Variants in MYO9A observed in about 807,000 individuals in gnomAD.
The protein encoded by MYO9A is unconventional myosin-IXa.
A neutral mutation model predicts 293.3 loss-of-function variants in MYO9A; 103 were observed. The observed-to-expected ratio is 0.35, with a 90% CI of 0.30 to 0.41. The LOEUF (loss-of-function observed/expected upper bound fraction) is 0.41, where lower values mean the gene tolerates loss of function less well. Among genes scored for constraint, MYO9A ranks in the 10% least tolerant of loss-of-function variants. MYO9A has a pLI of 1.00. For missense variants in MYO9A, 2,685 were observed against 3,033.0 expected (o/e 0.89, Z 2.69); for synonymous variants, 1,001 against 1,035.7 (o/e 0.97, Z 0.64).
At chr15:71,870,765 T>C (rs531187638) in intron 32 of MYO9A, among the ~76,000 whole-genome samples, 49 of 152,354 alleles carry the variant, frequency 3.2e-4, no homozygotes, top group African/African-American at 1.2e-3. Context: ...ACAATGCCTA[T>C]ACATCACTTC....
chr15:71,982,299 C>T (rs1342584593), intron 11 of MYO9A, among the ~76,000 whole-genome samples: 1 of 151,928 alleles, frequency 6.6e-6, no homozygotes, highest in African/African-American at 2.4e-5. Context: ...GGATTACAGG[C>T]GTGAGCCACC....
At chr15:71,877,324 G>A (rs1482863150) in intron 31 of MYO9A, among the ~76,000 whole-genome samples, 1 of 152,112 alleles carries the variant, frequency 6.6e-6, no homozygotes, top group Non-Finnish European at 1.5e-5. Flanking sequence ...TTATTATACA[G>A]ACTTCCCAAA....
At chr15:71,850,641 C>G (rs2055594484) in intron 37 of MYO9A, among the ~76,000 whole-genome samples, 1 of 151,586 alleles carries the variant, frequency 6.6e-6, no homozygotes. Flanking sequence ...TGGCGCACAC[C>G]TGTAATCCCA....
chr15:72,048,306 G>C (rs771399345), intron 1 of MYO9A, among the ~76,000 whole-genome samples: 1 of 151,800 alleles, frequency 6.6e-6, no homozygotes, highest in Non-Finnish European at 1.5e-5. Flanking sequence ...GCCTGAGGCA[G>C]GAGAATCACT....
chr15:72,064,538 C>T (rs543806156), intron 1 of MYO9A, among the ~76,000 whole-genome samples: 4 of 152,250 alleles, frequency 2.6e-5, no homozygotes, highest in South Asian at 2.1e-4. Context: ...CTGGAGTTAA[C>T]GGAAACGTTA....
At chr15:72,028,814 T>C (rs1489611677) in intron 3 of MYO9A, among the ~76,000 whole-genome samples, 2 of 152,218 alleles carry the variant, frequency 1.3e-5, no homozygotes, top group Non-Finnish European at 2.9e-5. Context: ...TTTACGCTAT[T>C]GTCACAGCCT....
At chr15:71,839,253 A>C (rs532075375) in intron 39 of MYO9A, among the ~76,000 whole-genome samples, 19 of 152,286 alleles carry the variant, frequency 1.2e-4, no homozygotes, top group African/African-American at 4.6e-4. Context: ...GCTGAGTTAA[A>C]CTACTTGGAT....
At chr15:72,060,067 A>G (rs558524574) in intron 1 of MYO9A, among the ~76,000 whole-genome samples, 14 of 152,314 alleles carry the variant, frequency 9.2e-5, no homozygotes, top group Non-Finnish European at 1.8e-4. Flanking sequence ...AGCCATTATC[A>G]TCTTCCTGAG....
At chr15:71,916,570 T>C (rs1008606829) in intron 18 of MYO9A, 78 bp from the exon 19 acceptor site, 6 of 1,402,326 alleles carry the variant, frequency 4.3e-6, no homozygotes, top group Non-Finnish European at 5.8e-6. Flanking sequence ...GTTTTCATCA[T>C]TTCCTATCTA....
chr15:72,101,888 C>T (rs1335001449), intron 1 of MYO9A, among the ~76,000 whole-genome samples: 2 of 152,248 alleles, frequency 1.3e-5, no homozygotes, highest in East Asian at 3.9e-4. Context: ...CCCCGACCGG[C>T]CAGCGGCCCC....
intron 3 of MYO9A, among the ~76,000 whole-genome samples, chr15:72,029,720 A>T (rs538296764): frequency 6.6e-6 from 1 of 152,238 alleles, no homozygotes; most frequent in South Asian, 2.1e-4. Flanking sequence ...TATATCTGAT[A>T]TTTTTTTCTC....
chr15:71,891,497 ATTAG>A (rs377231390), intron 26 of MYO9A: 211 of 152,346 alleles, frequency 1.4e-3, no homozygotes, highest in African/African-American at 4.6e-3. Context: ...TTTCATCAAA[ATTAG>A]TTTGTTCCAT....
intron 3 of MYO9A, among the ~76,000 whole-genome samples, chr15:72,028,151 C>A (rs1051851955): frequency 6.7e-6 from 1 of 149,916 alleles, no homozygotes; most frequent in African/African-American, 2.5e-5. Context: ...GAACCAAGAT[C>A]AGGCCACTGC....
intron 4 of MYO9A, among the ~76,000 whole-genome samples, chr15:72,025,688 A>G (rs1165991307): frequency 6.6e-6 from 1 of 152,162 alleles, no homozygotes; most frequent in East Asian, 1.9e-4. Context: ...AGAAGCACAC[A>G]ATTCAACAAT....
chr15:71,859,557 A>G (rs1487663180), intron 34 of MYO9A, among the ~76,000 whole-genome samples, 178 bp downstream of exon 34: 3 of 152,226 alleles, frequency 2.0e-5, no homozygotes, highest in Non-Finnish European at 2.9e-5. Context: ...TTTTGTACAT[A>G]TATCACCAAA....
In MYO9A at chr15:71,828,131, A is replaced by G. The variant is rs2054584758; in HGVS notation, c.7041-105T>C. 2.2e-6 allele frequency: 3 copies of G among 1,345,164 alleles called. No homozygotes were observed. In the South Asian group the frequency reaches 4.4e-5, roughly 20 times the overall value. The allele number at this position is 1,345,164 out of a possible 1,614,324, so 83.3% of individuals were successfully genotyped here. A position where few individuals can be genotyped will look rare whatever the true frequency, so the allele number is the denominator to read the frequency against. The stretch of plus-strand genomic sequence containing the variant: ...AGTCAGGAATCTAAGAAGCAAAGAG[A>G]GTCCATTTTTACTGTCCCCATCCAG... On this transcript the variant is annotated intron_variant, in intron 40 of 41. Coordinates refer to ENST00000356056, the MANE Select transcript of MYO9A (RefSeq NM_006901.4).
intron 33 of MYO9A, among the ~76,000 whole-genome samples, chr15:71,860,666 A>G (rs1459214201): frequency 6.6e-6 from 1 of 151,848 alleles, no homozygotes; most frequent in Admixed American, 6.6e-5. Context: ...AGCTAATTCT[A>G]TTAAAAAATC....
intron 1 of MYO9A, among the ~76,000 whole-genome samples, chr15:72,054,923 A>G (rs2078677846): frequency 6.6e-6 from 1 of 151,896 alleles, no homozygotes; most frequent in Non-Finnish European, 1.5e-5. Context: ...ACTTTTACTG[A>G]AAGAATTAAA....
chr15:71,959,849 A>T (rs1426595642), intron 14 of MYO9A, 52 bp downstream of exon 14: 6 of 321,098 alleles, frequency 1.9e-5, no homozygotes, highest in African/African-American at 1.0e-4. Flanking sequence ...GTAGAAAGGT[A>T]AAAAAAAAAA....
Sources: gnomAD v4.1 joint callset for allele counts (sites outside exome capture counted in the v4.1 genomes callset) on GRCh38, gnomAD v4.1.1 for gene constraint, MANE v1.5 for transcripts, NCBI Gene and HGNC (gene_info 2026-07-23, HGNC 2026-07-21) for gene names.